The following YTHDF3 variants were observed in gnomAD, a reference collection of about 807,000 sequenced individuals.
YTHDF3 encodes the protein YTH domain-containing family protein 3.
In YTHDF3, 9 loss-of-function variants were observed where a neutral mutation model predicts 52.5. The ratio of observed to expected loss-of-function variants is 0.17; its 90% CI spans 0.10 to 0.30. YTHDF3 has a LOEUF of 0.30. Ranked by LOEUF, YTHDF3 falls within the 10% of genes least tolerant of loss-of-function variation. The probability of loss-of-function intolerance (pLI) is 1.00; values close to 1 mark genes in which losing one functional copy is unlikely to be tolerated. For missense variants in YTHDF3, 534 were observed against 715.0 expected (o/e 0.75, Z 2.89); for synonymous variants, 274 against 243.3 (o/e 1.13, Z -1.18).
rs76791799 is a variant in YTHDF3 at position 63,170,315 on chromosome 8, T to C, written c.49+904T>C. On this transcript the variant is annotated intron_variant, in intron 2 of 4. Coordinates refer to ENST00000539294, the MANE Select transcript of YTHDF3 (RefSeq NM_152758.6). ...TCTATAATAGCCTTTTAGATATAGA[T>C]TGTCTTTGGTGCCCTTTAAATTCTT... is the stretch of plus-strand genomic sequence containing the variant. 1.4e-3 allele frequency among the ~76,000 whole-genome samples: 216 copies of C among 152,308 alleles called. No homozygotes were observed. In the East Asian group the frequency reaches 0.025, roughly 18 times the overall value.
chr8:63,186,215 A>G lies in YTHDF3; in HGVS notation c.204A>G (p.Pro68=), dbSNP rs1808491545. Residue 68 remains proline, a synonymous_variant, in exon 4 of 5, where the codon CCA becomes CCG. Transcript: ENST00000539294. The part of the protein sequence containing the change: ...PSYYAPSIGF[P]YSLGEAAWST... ...ACTATGCTCCATCCATTGGATTTCC[A>G]TATTCTCTTGGGGAAGCAGCGTGGT... 3 of 1,613,984 alleles carry G rather than the reference A, an allele frequency of 1.9e-6. No homozygotes were observed. The highest frequency in any genetic ancestry group is 2.5e-6 in the Non-Finnish European group (3 of 1,179,892).
intron 4 of YTHDF3, among the ~76,000 whole-genome samples, chr8:63,208,849 C>G (rs1439706508): frequency 6.6e-6 from 1 of 151,846 alleles, no homozygotes; most frequent in African/African-American, 2.4e-5. Flanking sequence ...TTGTCTAACA[C>G]TCATCTTTTT....
intron 4 of YTHDF3, among the ~76,000 whole-genome samples, chr8:63,204,077 AG>A (rs1809822628): frequency 6.6e-6 from 1 of 152,186 alleles, no homozygotes; most frequent in Non-Finnish European, 1.5e-5. Context: ...CCTACCGCAA[AG>A]AGGAATATCA....
rs746387401 is a variant in YTHDF3, at chr8:63,186,697, G to A, written c.686G>A (p.Ser229Asn). The A allele has an allele frequency of 4.3e-6, 7 of 1,613,996 alleles. No individual in the cohort carries two copies. Among genetic ancestry groups the A allele is most frequent in the South Asian group, 1.1e-5 (1 of 91,084 alleles). Residue 229 changes from serine (S) to asparagine (N), a missense_variant, in exon 4 of 5, where the codon AGC (serine) becomes AAC (asparagine). Transcript: ENST00000539294. ...GCAACCAATAGTGTGCCCCCAGTTA[G>A]CAGTGCAGCACCTAAACCAACCTCC... is the stretch of plus-strand genomic sequence containing the variant. Reference protein sequence around the residue: ...SIATNSVPPVSSAAPKPTSWA... With the variant: ...SIATNSVPPVNSAAPKPTSWA...
intron 3 of YTHDF3, among the ~76,000 whole-genome samples, chr8:63,180,830 C>T (rs893024785): frequency 2.6e-5 from 4 of 152,230 alleles, no homozygotes; most frequent in African/African-American, 7.2e-5. Flanking sequence ...GAAAACCAGT[C>T]AGGCGTGGCG....
At chr8:63,195,322 C>G (rs932787694) in intron 4 of YTHDF3, among the ~76,000 whole-genome samples, 5 of 152,118 alleles carry the variant, frequency 3.3e-5, no homozygotes, top group African/African-American at 7.2e-5. Flanking sequence ...ACTAAAAATA[C>G]AAAACAAAAT....
At chr8:63,198,506 A>G (rs1450204342) in intron 4 of YTHDF3, among the ~76,000 whole-genome samples, 1 of 152,214 alleles carries the variant, frequency 6.6e-6, no homozygotes, top group African/African-American at 2.4e-5. Flanking sequence ...ACCTCAGGTC[A>G]TCTGCCCACC....
chr8:63,168,991 G>A (rs949416528), intron 1 of YTHDF3, 90 bp downstream of exon 1: 18 of 1,508,924 alleles, frequency 1.2e-5, no homozygotes, highest in Middle Eastern at 2.2e-4. Context: ...CGTCGCCGCC[G>A]CTGCCGGCCC....
chr8:63,191,190 ATGAATG>A (rs1808890393), intron 4 of YTHDF3, among the ~76,000 whole-genome samples: 1 of 152,156 alleles, frequency 6.6e-6, no homozygotes, highest in Non-Finnish European at 1.5e-5. Flanking sequence ...TTTTTACATT[ATGAATG>A]TAAATGTGAA....
At chr8:63,196,557 G>A (rs1369311168) in intron 4 of YTHDF3, among the ~76,000 whole-genome samples, 9 of 146,312 alleles carry the variant, frequency 6.2e-5, no homozygotes, top group Non-Finnish European at 1.2e-4. Context: ...GCAAGACTCC[G>A]TCTTAAAAAA....
rs965100342 is a variant in YTHDF3, at chr8:63,169,069, C to T, written c.24+168C>T. On this transcript the variant is annotated intron_variant, in intron 1 of 4. Transcript: ENST00000539294. ...CGGGCCGGGGCGTGCGCCCTGGCCC[C>T]GTAGCTTGCGGGCGGGCGGGCGCGG... The T allele has an allele frequency of 1.2e-5, 17 of 1,393,194 alleles. No homozygotes were observed. In the African/African-American group the frequency reaches 2.3e-4, roughly 19 times the overall value. The allele number at this position is 1,393,194 out of a possible 1,614,324, so 86.3% of individuals were successfully genotyped here.
intron 2 of YTHDF3, among the ~76,000 whole-genome samples, chr8:63,174,675 A>G (rs974217431): frequency 2.0e-5 from 3 of 152,214 alleles, no homozygotes; most frequent in African/African-American, 7.2e-5. Context: ...TGCAAGGATA[A>G]TTATGGCTAT....
intron 3 of YTHDF3, among the ~76,000 whole-genome samples, chr8:63,178,033 C>T (rs1013463535): frequency 6.6e-6 from 1 of 152,198 alleles, no homozygotes; most frequent in Non-Finnish European, 1.5e-5. Context: ...GCTGGGATTA[C>T]AGGCATGGAA....
chr8:63,192,831 T>A lies in YTHDF3; in HGVS notation c.1734+5086T>A, dbSNP rs867060332. Among the ~76,000 whole-genome samples, 27 of 149,970 alleles carry A rather than the reference T, an allele frequency of 1.8e-4. No individual in the cohort carries two copies. The East Asian group carries it at 3.0e-3, about 16-fold the overall frequency. ...CTACTTATGCCTTTTTTTTTTTTTT[T>A]AAATAAAAGTAGTTGTAAGTCATTA... On this transcript the variant is annotated intron_variant, in intron 4 of 4. Coordinates refer to ENST00000539294, the MANE Select transcript of YTHDF3 (RefSeq NM_152758.6).
chr8:63,199,290 T>C (rs1166325052), intron 4 of YTHDF3, among the ~76,000 whole-genome samples: 1 of 152,184 alleles, frequency 6.6e-6, no homozygotes, highest in Non-Finnish European at 1.5e-5. Flanking sequence ...TCTTGGTATA[T>C]ACAGGGGATT....
rs144145833 is a variant in YTHDF3, at chr8:63,183,414, C to A, written c.136-2733C>A. Among the ~76,000 whole-genome samples the A allele has an allele frequency of 5.9e-5, 9 of 152,138 alleles. No individual in the cohort carries two copies. The East Asian group carries it at 1.7e-3, about 29-fold the overall frequency. ...CATTTTTAGTAGATACTTCAGTGAT[C>A]AAATTTTACGCATTTGTGTTTGTCT... On this transcript the variant is annotated intron_variant, in intron 3 of 4. Coordinates refer to ENST00000539294, the MANE Select transcript of YTHDF3 (RefSeq NM_152758.6).
intron 4 of YTHDF3, among the ~76,000 whole-genome samples, chr8:63,189,528 TAACTC>T (rs1195006509): frequency 6.6e-6 from 1 of 152,204 alleles, no homozygotes; most frequent in African/African-American, 2.4e-5. Context: ...AGAGGTAACT[TAACTC>T]TATGTAAAAT....
intron 3 of YTHDF3, among the ~76,000 whole-genome samples, chr8:63,181,792 A>G (rs577987946): frequency 2.4e-4 from 36 of 152,318 alleles, no homozygotes; most frequent in African/African-American, 8.2e-4. Flanking sequence ...TCTGGCACAT[A>G]TAGCATTCAT....
intron 4 of YTHDF3, among the ~76,000 whole-genome samples, chr8:63,209,119 C>T (rs970802884): frequency 3.3e-5 from 5 of 152,186 alleles, no homozygotes; most frequent in African/African-American, 9.7e-5. Flanking sequence ...CCACCTGTCT[C>T]GGCCTCCCAG....
Sources: allele counts gnomAD v4.1 joint callset (sites outside exome capture counted in the v4.1 genomes callset), GRCh38; gene constraint gnomAD v4.1.1; transcripts MANE v1.5; gene names NCBI Gene and HGNC (gene_info 2026-07-23, HGNC 2026-07-21).